GALNT9: variants seen among roughly 807,000 people sequenced by gnomAD.
GALNT9 encodes the protein GalNAc transferase 9.
A neutral mutation model predicts 63.1 loss-of-function variants in GALNT9; 47 were observed. That is an observed-to-expected ratio of 0.75 (90% CI 0.59 to 0.95). GALNT9 has a LOEUF of 0.95. Ranked by LOEUF, GALNT9 falls within the 40% of genes least tolerant of loss-of-function variation. GALNT9 has a pLI of 0.00. For synonymous variants in GALNT9, 396 were observed against 365.7 expected (o/e 1.08, Z -0.94); for missense variants, 829 against 874.8 (o/e 0.95, Z 0.66).
intron 6 of GALNT9, among the ~76,000 whole-genome samples, chr12:132,208,664 T>C (rs79253621): frequency 0.032 from 4,912 of 152,274 alleles, 253 homozygotes; most frequent in African/African-American, 0.11. Flanking sequence ...CTCACCTGGC[T>C]GCTGACTGCC....
rs1555239883 is a variant in GALNT9 at position 132,262,617 on chromosome 12, T to A, written c.428A>T (p.Gln143Leu). The stretch of plus-strand genomic sequence containing the variant: ...GGGCAGGTCCTGGGCGTAGCTCATC[T>A]GTCTGCACCTGCAGGAAACACGGTT... ...IPDYRPRKCRQMSYAQDLPQV... is the reference protein window; with the variant it reads ...IPDYRPRKCRLMSYAQDLPQV... The change falls in exon 3 of 11, where the codon CAG (glutamine) becomes CTG (leucine). Residue 143 changes from glutamine to leucine, a missense_variant. Transcript: ENST00000328957. 1 of 1,546,030 alleles carries A rather than the reference T, an allele frequency of 6.5e-7. No individual in the cohort carries two copies. The highest frequency in any genetic ancestry group is 2.0e-5 in the Admixed American group (1 of 50,594).
intron 6 of GALNT9, among the ~76,000 whole-genome samples, chr12:132,213,905 C>T (rs929404729): frequency 2.0e-5 from 3 of 152,356 alleles, no homozygotes; most frequent in Non-Finnish European, 4.4e-5. Flanking sequence ...AGCCCGGTCA[C>T]GGAGCAGCCC....
chr12:132,261,854 C>T (rs1879400341), intron 3 of GALNT9, among the ~76,000 whole-genome samples: 1 of 152,242 alleles, frequency 6.6e-6, no homozygotes, highest in South Asian at 2.1e-4. Flanking sequence ...GGGTTTCAAG[C>T]CTGTGTGCTA....
chr12:132,212,032 G>T (rs7964828), intron 6 of GALNT9, among the ~76,000 whole-genome samples: 1 of 152,224 alleles, frequency 6.6e-6, no homozygotes. Flanking sequence ...GGCAGCGGAC[G>T]TGCACGCAGG....
rs1305039718 is a variant in GALNT9 at position 132,196,900 on chromosome 12, G to C, written c.*207C>G. ...CCCCAGACGCCCTCCCTCGGGTAGAGCCGCCTGTCCTAGGAGAAGCTGTAC... is the reference window on the plus strand; with the variant it reads ...CCCCAGACGCCCTCCCTCGGGTAGACCCGCCTGTCCTAGGAGAAGCTGTAC... On this transcript the variant is annotated 3_prime_UTR_variant, in exon 11 of 11. Coordinates refer to ENST00000328957, the MANE Select transcript of GALNT9 (RefSeq NM_001122636.2). 1 of 1,393,732 alleles carries C rather than the reference G, an allele frequency of 7.2e-7. No homozygotes were observed. Among genetic ancestry groups the C allele is most frequent in the East Asian group, 2.7e-5 (1 of 36,900 alleles). The allele number at this position is 1,393,732 out of a possible 1,614,324, so 86.3% of individuals were successfully genotyped here.
intron 2 of GALNT9, among the ~76,000 whole-genome samples, chr12:132,270,314 C>T (rs531470541): frequency 6.6e-5 from 10 of 152,328 alleles, no homozygotes; most frequent in East Asian, 1.9e-4. Context: ...CCCTGAAATA[C>T]GATCACCAGG....
chr12:132,287,226 A>T (rs1424589235), intron 1 of GALNT9, among the ~76,000 whole-genome samples: 6 of 152,200 alleles, frequency 3.9e-5, no homozygotes, highest in Non-Finnish European at 8.8e-5. Flanking sequence ...ACAGTGACAC[A>T]GTCACACACG....
At chr12:132,287,074 C>G (rs1286941452) in intron 1 of GALNT9, among the ~76,000 whole-genome samples, 1 of 97,494 alleles carries the variant, frequency 1.0e-5, no homozygotes, top group Non-Finnish European at 2.2e-5. Flanking sequence ...CCCCCCCCCC[C>G]GTGAGCCACA....
At chr12:132,271,313 C>T (rs559228505) in intron 2 of GALNT9, among the ~76,000 whole-genome samples, 2 of 152,048 alleles carry the variant, frequency 1.3e-5, no homozygotes, top group Non-Finnish European at 2.9e-5. Flanking sequence ...GAGAGGAGAA[C>T]GCTGCCACGC....
intron 6 of GALNT9, among the ~76,000 whole-genome samples, chr12:132,209,983 C>G (rs61943890): frequency 0.084 from 12,786 of 152,318 alleles, 675 homozygotes; most frequent in Non-Finnish European, 0.12. Context: ...GCCCCGAATT[C>G]TGCCTTGTAC....
intron 1 of GALNT9, among the ~76,000 whole-genome samples, chr12:132,306,496 A>C (rs1285904953): frequency 1.3e-5 from 2 of 152,286 alleles, no homozygotes; most frequent in East Asian, 3.9e-4. Context: ...GCGGGGGTCT[A>C]GACTGTGGGC....
At chr12:132,325,926 T>A (rs1316192854) in intron 1 of GALNT9, among the ~76,000 whole-genome samples, 1 of 152,182 alleles carries the variant, frequency 6.6e-6, no homozygotes, top group African/African-American at 2.4e-5. Flanking sequence ...CCCAGCAGAG[T>A]GAGTCCAGCC....
intron 7 of GALNT9, 72 bp downstream of exon 7, chr12:132,203,433 G>A (rs1054998813): frequency 2.6e-5 from 39 of 1,491,156 alleles, no homozygotes; most frequent in Admixed American, 3.8e-5. Context: ...GCCTCCCTCC[G>A]GCCCAGCCCT....
At chr12:132,253,620 G>C (rs1000281475) in intron 5 of GALNT9, among the ~76,000 whole-genome samples, 6 of 152,184 alleles carry the variant, frequency 3.9e-5, no homozygotes, top group African/African-American at 1.2e-4. Context: ...CTCTATATCT[G>C]ACTTGTATTA....
In GALNT9 at chr12:132,203,493, T is replaced by A; in HGVS notation, c.1263+12A>T. The A allele has an allele frequency of 1.9e-6, 3 of 1,612,938 alleles. No homozygotes were observed. The highest frequency in any genetic ancestry group is 2.5e-6 in the Non-Finnish European group (3 of 1,179,220). On this transcript the variant is annotated intron_variant, in intron 7 of 10. Coordinates refer to ENST00000328957, the MANE Select transcript of GALNT9 (RefSeq NM_001122636.2). ...GGGCATGGCCCCGGCTCCCGGCCTG[T>A]GGGGGACTCACCGACATGGGGATGT...
chr12:132,263,051 G>A (rs1555239923), intron 2 of GALNT9, among the ~76,000 whole-genome samples: 1 of 152,060 alleles, frequency 6.6e-6, no homozygotes. Flanking sequence ...TGTGGGCCAT[G>A]AGTGCAGGTG....
chr12:132,278,022 C>T (rs2135555583), intron 2 of GALNT9: 1 of 149,908 alleles, frequency 6.7e-6, no homozygotes, highest in South Asian at 2.1e-4. Context: ...CCCACACCCA[C>T]CCTCTCTGGT....
chr12:132,262,151 T>A (rs1441584129), intron 3 of GALNT9, among the ~76,000 whole-genome samples: 2 of 152,198 alleles, frequency 1.3e-5, no homozygotes, highest in Non-Finnish European at 2.9e-5. Context: ...GATGAAATCC[T>A]CCTGGATTTG....
At chr12:132,201,294 G>A (rs749595129) in intron 7 of GALNT9, 33 bp from the exon 8 acceptor site, 3 of 1,513,774 alleles carry the variant, frequency 2.0e-6, no homozygotes, top group Non-Finnish European at 2.7e-6. Context: ...GAGGGTACAT[G>A]GGTGTCACCA....
Sources: gnomAD v4.1 joint callset for allele counts (sites outside exome capture counted in the v4.1 genomes callset) on GRCh38, gnomAD v4.1.1 for gene constraint, MANE v1.5 for transcripts, NCBI Gene and HGNC (gene_info 2026-07-23, HGNC 2026-07-21) for gene names.